The following ITPR2 variants were observed in gnomAD, a reference collection of about 807,000 sequenced individuals.
ITPR2 encodes inositol 1,4,5-trisphosphate receptor type 2.
In ITPR2, 207 loss-of-function variants were observed where a neutral mutation model predicts 317.1. That is an observed-to-expected ratio of 0.65 (90% CI 0.58 to 0.73). The LOEUF (loss-of-function observed/expected upper bound fraction) is 0.73, where lower values mean the gene tolerates loss of function less well. ITPR2 is among the 30% of genes least tolerant of loss of function. ITPR2 has a pLI of 0.00. For synonymous variants in ITPR2, 1,156 were observed against 1,149.1 expected, an observed-to-expected ratio of 1.01 and a Z score of -0.12; for missense variants, 2,613 against 3,284.0, an observed-to-expected ratio of 0.80 and a Z score of 4.99.
chr12:26,609,820 C>T (rs532943897), intron 26 of ITPR2, among the ~76,000 whole-genome samples: 6 of 152,034 alleles, frequency 3.9e-5, no homozygotes, highest in Admixed American at 2.6e-4. Context: ...TATATTATAA[C>T]CAAATAGGAT....
At chr12:26,690,009 T>A (rs1438509093) in intron 10 of ITPR2, among the ~76,000 whole-genome samples, 1 of 152,162 alleles carries the variant, frequency 6.6e-6, no homozygotes, top group Non-Finnish European at 1.5e-5. Context: ...AACCCTATTG[T>A]AGCCAAAAGA....
intron 52 of ITPR2, among the ~76,000 whole-genome samples, chr12:26,406,015 T>C (rs539782686): frequency 6.6e-6 from 1 of 152,252 alleles, no homozygotes; most frequent in East Asian, 1.9e-4. Context: ...GCTTTAATTA[T>C]AATCAATTCA....
rs184745484 is a variant in ITPR2 at position 26,648,584 on chromosome 12, T to C, written c.2740+5392A>G. 4.2e-5 allele frequency among the ~76,000 whole-genome samples: 6 copies of C among 143,498 alleles called. No individual in the cohort carries two copies. In the East Asian group the frequency reaches 1.0e-3, roughly 24 times the overall value. 94.1% of individuals were successfully genotyped at this position (143,498 alleles called of 152,430 possible). A position where few individuals can be genotyped will look rare whatever the true frequency, so the allele number is the denominator to read the frequency against. On this transcript the variant is annotated intron_variant, in intron 21 of 56. Transcript: ENST00000381340. ...ATAAAGTTTCATTAAAAGAGAAAAA[T>C]ACTTACAGTATGAGAGGAGTCCATA...
chr12:26,567,480 T>C (rs1157988938), intron 34 of ITPR2, among the ~76,000 whole-genome samples: 1 of 152,172 alleles, frequency 6.6e-6, no homozygotes, highest in Non-Finnish European at 1.5e-5. Context: ...ACATGAACTG[T>C]ACAATGAAAA....
chr12:26,721,832 C>G (rs1948845220), intron 5 of ITPR2, among the ~76,000 whole-genome samples: 1 of 152,050 alleles, frequency 6.6e-6, no homozygotes, highest in South Asian at 2.1e-4. Flanking sequence ...CCAGGCTGGT[C>G]TTGAACCCGT....
At chr12:26,546,687 G>T (rs576386666) in intron 37 of ITPR2, among the ~76,000 whole-genome samples, 1 of 151,974 alleles carries the variant, frequency 6.6e-6, no homozygotes, top group East Asian at 1.9e-4. Context: ...AAGCAGCACG[G>T]TATTGGTATA....
chr12:26,581,613 CTTATT>C (rs1306537213), intron 32 of ITPR2, among the ~76,000 whole-genome samples: 1 of 152,080 alleles, frequency 6.6e-6, no homozygotes, highest in African/African-American at 2.4e-5. Context: ...ATTAAGGACT[CTTATT>C]TTGTTTTAGG....
chr12:26,476,804 C>A, intron 44 of ITPR2, 108 bp downstream of exon 44: 1 of 670,360 alleles, frequency 1.5e-6, no homozygotes, highest in Non-Finnish European at 2.6e-6. Flanking sequence ...TTCCATTTGT[C>A]TTGGTAGAGC....
Position 26,653,972 on chromosome 12 carries a change from T to C in ITPR2, c.2740+4A>G. ...GATATTATCACATTTCCCAAAATTC[T>C]TACCTCCATCTTGAAATTTGCTTAA... is the stretch of plus-strand genomic sequence containing the variant. On this transcript the variant is annotated splice_donor_region_variant and intron_variant, in intron 21 of 56. Transcript: ENST00000381340. 6.2e-7 allele frequency: 1 copy of C among 1,606,916 alleles called. No homozygotes were observed. The highest frequency in any genetic ancestry group is 8.5e-7 in the Non-Finnish European group (1 of 1,175,424).
chr12:26,568,483 C>A (rs1268437930), intron 34 of ITPR2, among the ~76,000 whole-genome samples: 1 of 151,938 alleles, frequency 6.6e-6, no homozygotes, highest in Non-Finnish European at 1.5e-5. Context: ...TATGACAAGT[C>A]TTTGCAGTGA....
At chr12:26,443,756 G>C (rs1450561126) in intron 45 of ITPR2, 106 bp from the exon 46 acceptor site, 3 of 710,914 alleles carry the variant, frequency 4.2e-6, no homozygotes, top group Non-Finnish European at 7.1e-6. Flanking sequence ...AGAGTCCTAG[G>C]GTTAAGGACA....
chr12:26,390,828 C>T (rs1939810280), intron 54 of ITPR2, among the ~76,000 whole-genome samples: 1 of 151,202 alleles, frequency 6.6e-6, no homozygotes, highest in Non-Finnish European at 1.5e-5. Context: ...ACAAAACAAA[C>T]AAAAGAGAGA....
intron 55 of ITPR2, among the ~76,000 whole-genome samples, chr12:26,385,746 TAGAC>T (rs1939646427): frequency 1.3e-5 from 2 of 152,248 alleles, no homozygotes; most frequent in South Asian, 2.1e-4. Flanking sequence ...CTCCCTCTTA[TAGAC>T]AGACACTCCC....
intron 34 of ITPR2, among the ~76,000 whole-genome samples, chr12:26,567,187 AAAG>A (rs1945003863): frequency 6.6e-6 from 1 of 152,196 alleles, no homozygotes; most frequent in South Asian, 2.1e-4. Context: ...TGACTTACAC[AAAG>A]AAGTGCTCAA....
intron 55 of ITPR2, among the ~76,000 whole-genome samples, chr12:26,360,249 A>G (rs185013597): frequency 1.3e-5 from 2 of 152,206 alleles, no homozygotes; most frequent in East Asian, 3.9e-4. Flanking sequence ...ACACACCACG[A>G]ATCCTCTCTC....
At chr12:26,411,999 T>C (rs879874264) in intron 51 of ITPR2, among the ~76,000 whole-genome samples, 1 of 152,226 alleles carries the variant, frequency 6.6e-6, no homozygotes, top group Non-Finnish European at 1.5e-5. Context: ...CAGAATAGAA[T>C]AGAAAATAGT....
intron 1 of ITPR2, among the ~76,000 whole-genome samples, chr12:26,800,199 T>C (rs1455956772): frequency 6.9e-6 from 1 of 145,884 alleles, no homozygotes; most frequent in African/African-American, 2.6e-5. Flanking sequence ...GAATTTACAG[T>C]TGTGATCAAG....
chr12:26,830,279 C>T (rs929449125), intron 1 of ITPR2, among the ~76,000 whole-genome samples: 5 of 152,224 alleles, frequency 3.3e-5, no homozygotes, highest in Non-Finnish European at 5.9e-5. Flanking sequence ...TTAACTTCAA[C>T]AAGACTCAGT....
intron 11 of ITPR2, among the ~76,000 whole-genome samples, chr12:26,683,390 T>A (rs1204280462): frequency 6.6e-6 from 1 of 152,206 alleles, no homozygotes; most frequent in Non-Finnish European, 1.5e-5. Context: ...GCCATGTTTT[T>A]CATATTTCAC....
Sources: gnomAD v4.1 joint callset for allele counts (sites outside exome capture counted in the v4.1 genomes callset) on GRCh38, gnomAD v4.1.1 for gene constraint, MANE v1.5 for transcripts, NCBI Gene and HGNC (gene_info 2026-07-23, HGNC 2026-07-21) for gene names.